THADA: variants seen among roughly 807,000 people sequenced by gnomAD.
THADA encodes THADA armadillo repeat containing.
Under a neutral mutation model 219.8 loss-of-function variants are expected in THADA, and 213 were observed. The ratio of observed to expected loss-of-function variants is 0.97; its 90% CI spans 0.87 to 1.09. The LOEUF is 1.09. Ranked by LOEUF, THADA falls within the 50% of genes least tolerant of loss-of-function variation. THADA has a pLI of 0.00. For missense variants in THADA, 2,956 were observed against 2,311.3 expected (o/e 1.28, Z -5.72); for synonymous variants, 1,018 against 828.9 (o/e 1.23, Z -3.92).
At chr2:43,295,230 G>C (rs1270185915) in intron 31 of THADA, among the ~76,000 whole-genome samples, 1 of 152,258 alleles carries the variant, frequency 6.6e-6, no homozygotes, top group Non-Finnish European at 1.5e-5. Flanking sequence ...ATACAAAGTA[G>C]TTGGCAAACT....
intron 3 of THADA, among the ~76,000 whole-genome samples, chr2:43,591,484 C>T (rs1004448518): frequency 1.3e-5 from 2 of 151,974 alleles, no homozygotes; most frequent in African/African-American, 4.8e-5. Flanking sequence ...CAGAGAATCA[C>T]AGACCTGTTA....
chr2:43,359,542 T>G (rs941472721), intron 29 of THADA, among the ~76,000 whole-genome samples: 2 of 152,174 alleles, frequency 1.3e-5, no homozygotes, highest in African/African-American at 4.8e-5. Context: ...TAGCCAGGCA[T>G]GCTGGCGGGT....
rs140958176 is a variant in THADA, at chr2:43,261,288, A to G, written c.5296+18477T>C. Among the ~76,000 whole-genome samples, 915 of 143,506 alleles carry G rather than the reference A, an allele frequency of 6.4e-3. 6 individuals are homozygous for G. Among genetic ancestry groups the G allele is most frequent in the African/African-American group, 0.023 (869 of 37,362 alleles). 94.1% of individuals were successfully genotyped at this position (143,506 alleles called of 152,430 possible). A position where few individuals can be genotyped will look rare whatever the true frequency, so the allele number is the denominator to read the frequency against. ...ACCCAGGCTGGAGTGCAGTGGTCCA[A>G]TCTCGGCTCACTGCAACTTCCACCT... On this transcript the variant is annotated intron_variant, in intron 36 of 37. Coordinates refer to ENST00000405975, the MANE Select transcript of THADA (RefSeq NM_022065.5).
chr2:43,582,733 G>A (rs1165553746), intron 7 of THADA, among the ~76,000 whole-genome samples: 1 of 151,228 alleles, frequency 6.6e-6, no homozygotes, highest in African/African-American at 2.4e-5. Flanking sequence ...ATGCCCAGCT[G>A]ATTTTTATAT....
chr2:43,451,937 T>C (rs902589782), intron 26 of THADA, among the ~76,000 whole-genome samples: 1 of 152,066 alleles, frequency 6.6e-6, no homozygotes, highest in East Asian at 1.9e-4. Context: ...TGAAACCCTG[T>C]CTCTACTAAA....
intron 25 of THADA, among the ~76,000 whole-genome samples, chr2:43,494,950 G>C (rs1272232871): frequency 6.6e-6 from 1 of 152,120 alleles, no homozygotes; most frequent in Non-Finnish European, 1.5e-5. Flanking sequence ...TTAAAATTAA[G>C]TTCATTTTAC....
chr2:43,362,283 G>C (rs1338358388), intron 29 of THADA, among the ~76,000 whole-genome samples: 1 of 152,044 alleles, frequency 6.6e-6, no homozygotes, highest in African/African-American at 2.4e-5. Context: ...TACTTCAAAG[G>C]GTATGAATTA....
At chr2:43,366,870 T>C (rs2104608177) in intron 29 of THADA, among the ~76,000 whole-genome samples, 1 of 152,324 alleles carries the variant, frequency 6.6e-6, no homozygotes. Context: ...CAGCAGATTG[T>C]ACAGCCATGT....
intron 16 of THADA, among the ~76,000 whole-genome samples, chr2:43,558,158 T>C (rs918133465): frequency 2.0e-5 from 3 of 152,206 alleles, no homozygotes; most frequent in African/African-American, 7.2e-5. Context: ...ACAAAAGACC[T>C]AGGATATGCA....
At chr2:43,322,284 A>G (rs999371399) in intron 30 of THADA, among the ~76,000 whole-genome samples, 7 of 151,874 alleles carry the variant, frequency 4.6e-5, no homozygotes, top group Admixed American at 2.0e-4. Flanking sequence ...TGGGTGGATC[A>G]CCTGAGGTCA....
At chr2:43,505,240 G>GT (rs1689516437) in intron 24 of THADA, among the ~76,000 whole-genome samples, 1 of 151,892 alleles carries the variant, frequency 6.6e-6, no homozygotes, top group Non-Finnish European at 1.5e-5. Flanking sequence ...TAAGCTGGAT[G>GT]TTTTCACCAG....
Position 43,293,166 on chromosome 2 carries a change from C to G in THADA, c.4486G>C (p.Gly1496Arg), listed in dbSNP as rs780825016. 6.2e-7 allele frequency: 1 copy of G among 1,613,896 alleles called. No homozygotes were observed. Among genetic ancestry groups the G allele is most frequent in the South Asian group, 1.1e-5 (1 of 91,078 alleles). Residue 1496 changes from glycine to arginine, a missense_variant, in exon 32 of 38, where the codon GGA (glycine) becomes CGA (arginine). Coordinates refer to ENST00000405975, the MANE Select transcript of THADA (RefSeq NM_022065.5). ...GGGAATCCCGTTATCAGCTCTGATCCTGAGATAATCCCTCTGACTTCCTCC... is the reference window on the plus strand; with the variant it reads ...GGGAATCCCGTTATCAGCTCTGATCGTGAGATAATCCCTCTGACTTCCTCC... ...FWEEVRGIIS[G>R]SELITGFPWA...
intron 28 of THADA, among the ~76,000 whole-genome samples, chr2:43,416,996 A>T (rs1011239188): frequency 4.0e-5 from 6 of 151,626 alleles, no homozygotes; most frequent in African/African-American, 9.7e-5. Flanking sequence ...TTGGCAATTT[A>T]AAAAAGTTTC....
chr2:43,318,571 C>T (rs1364333280), intron 31 of THADA, among the ~76,000 whole-genome samples: 1 of 152,154 alleles, frequency 6.6e-6, no homozygotes, highest in Non-Finnish European at 1.5e-5. Context: ...TCAAGATCCA[C>T]ATATGACTAG....
chr2:43,232,727 CCA>C lies in THADA; in HGVS notation c.5450_5451del (p.Val1817GlyfsTer13). The C allele has an allele frequency of 2.5e-6, 4 of 1,613,962 alleles. No homozygotes were observed. The highest frequency in any genetic ancestry group is 3.4e-6 in the Non-Finnish European group (4 of 1,179,872). ...CCCGGGATCACCTGATGCATGCTCT[CCA>C]CACAGGCCACGAGGTCATCACTCTC... is the stretch of plus-strand genomic sequence containing the variant. ...LGESDDLVAC[V>X]ESMHQVEEDY... On this transcript the variant is annotated frameshift_variant, in exon 37 of 38. Coordinates refer to ENST00000405975, the MANE Select transcript of THADA (RefSeq NM_022065.5). LOFTEE classifies it low-confidence loss of function (END_TRUNC).
At position 43,320,522 on chromosome 2, in the gene THADA, C is replaced by T; in HGVS notation, c.4362G>A (p.Val1454=). 1 of 1,612,504 alleles carries T rather than the reference C, an allele frequency of 6.2e-7. No individual in the cohort carries two copies. The highest frequency in any genetic ancestry group is 8.5e-7 in the Non-Finnish European group (1 of 1,179,402). ...WLAKRQNPCL[V]TRAVYIDILF... is the part of the protein sequence containing the mutation. ...GAATATCAATATATACAGCTCTGGT[C>T]ACCAAACATGGATTTTGCCTAGAAA... Residue 1454 remains valine (V), a synonymous_variant, in exon 31 of 38, where the codon GTG becomes GTA. Transcript: ENST00000405975.
chr2:43,431,488 C>T (rs553925782), intron 26 of THADA, among the ~76,000 whole-genome samples: 16 of 152,128 alleles, frequency 1.1e-4, no homozygotes, highest in South Asian at 1.0e-3. Context: ...TTTTTTGAGA[C>T]GGAGTCTCAC....
chr2:43,515,141 T>TGTGTATATA (rs1691321281), intron 22 of THADA, among the ~76,000 whole-genome samples: 1 of 18,194 alleles, frequency 5.5e-5, no homozygotes, highest in African/African-American at 2.8e-4. Flanking sequence ...ATATAATATA[T>TGTGTATATA]AATATATTTT....
intron 25 of THADA, 151 bp downstream of exon 25, chr2:43,498,682 G>A: frequency 1.1e-6 from 1 of 894,696 alleles, no homozygotes; most frequent in South Asian, 2.2e-5. Flanking sequence ...GAAATATCAA[G>A]AATCAAAAAT....
Sources: gnomAD v4.1 joint callset for allele counts (sites outside exome capture counted in the v4.1 genomes callset) on GRCh38, gnomAD v4.1.1 for gene constraint, MANE v1.5 for transcripts, NCBI Gene and HGNC (gene_info 2026-07-23, HGNC 2026-07-21) for gene names.